The following RBMS3 variants were observed in gnomAD, a reference collection of about 807,000 sequenced individuals.
RBMS3 encodes the protein RNA-binding motif, single-stranded-interacting protein 3.
Under a neutral mutation model 66.8 loss-of-function variants are expected in RBMS3, and 27 were observed. The observed-to-expected ratio is 0.40, with a 90% CI of 0.30 to 0.56. The LOEUF (loss-of-function observed/expected upper bound fraction) is 0.56. Ranked by LOEUF, RBMS3 falls within the 20% of genes least tolerant of loss-of-function variation. The pLI is 0.40. For synonymous variants in RBMS3, 188 were observed against 183.0 expected, an observed-to-expected ratio of 1.03 and a Z score of -0.22; for missense variants, 513 against 549.5, an observed-to-expected ratio of 0.93 and a Z score of 0.66.
chr3:29,592,325 C>G (rs1225665029), intron 4 of RBMS3, among the ~76,000 whole-genome samples: 4 of 151,856 alleles, frequency 2.6e-5, no homozygotes, highest in Admixed American at 2.0e-4. Flanking sequence ...AACCAAACAA[C>G]CTCATAAAAA....
At chr3:29,442,001 G>A (rs2041639390) in intron 2 of RBMS3, among the ~76,000 whole-genome samples, 1 of 152,042 alleles carries the variant, frequency 6.6e-6, no homozygotes, top group African/African-American at 2.4e-5. Context: ...TTTTAGATTA[G>A]GCACATGGAT....
At chr3:29,287,775 T>C (rs1188683247) in intron 1 of RBMS3, among the ~76,000 whole-genome samples, 1 of 152,072 alleles carries the variant, frequency 6.6e-6, no homozygotes, top group African/African-American at 2.4e-5. Flanking sequence ...CTACCATTCA[T>C]ATGTGATTGT....
In RBMS3 at chr3:29,956,414, C is replaced by A. The variant is rs554435645; in HGVS notation, c.1098+12160C>A. Among the ~76,000 whole-genome samples, 18 of 152,236 alleles carry A rather than the reference C, an allele frequency of 1.2e-4. No homozygotes were observed. The East Asian group carries it at 3.1e-3, about 26-fold the overall frequency. ...ACATTCCTCGCTATCTTCTCTCCAACCTACCTTTAGATTATAAGTTCCTGG... is the reference window on the plus strand; with the variant it reads ...ACATTCCTCGCTATCTTCTCTCCAAACTACCTTTAGATTATAAGTTCCTGG... On this transcript the variant is annotated intron_variant, in intron 12 of 14. Transcript: ENST00000383767.
chr3:29,678,786 A>G (rs78338539), intron 4 of RBMS3, among the ~76,000 whole-genome samples: 5,403 of 152,202 alleles, frequency 0.035, 311 homozygotes, highest in African/African-American at 0.12. Context: ...GAAGAAGTTT[A>G]TATCAGGTAG....
At position 29,470,546 on chromosome 3, in the gene RBMS3, G is replaced by A. The variant is rs1271657417; in HGVS notation, c.249-17895G>A. 2.0e-5 allele frequency among the ~76,000 whole-genome samples: 3 copies of A among 151,984 alleles called. No homozygotes were observed. The East Asian group carries it at 5.8e-4, about 29-fold the overall frequency. On this transcript the variant is annotated intron_variant, in intron 2 of 14. Coordinates refer to ENST00000383767, the MANE Select transcript of RBMS3 (RefSeq NM_001003793.3). ...ACATACAAACACCACAGATTTCCAT[G>A]CTTTCTGATTTTTTTTTCTAGAAAC... is the stretch of plus-strand genomic sequence containing the variant.
chr3:29,774,909 T>C (rs367545090), intron 6 of RBMS3, among the ~76,000 whole-genome samples: 1 of 135,384 alleles, frequency 7.4e-6, no homozygotes, highest in Non-Finnish European at 1.6e-5. Flanking sequence ...TTAAAATAAA[T>C]AAACATCTAA....
chr3:29,956,029 T>C (rs1696019134), intron 12 of RBMS3, among the ~76,000 whole-genome samples: 1 of 152,078 alleles, frequency 6.6e-6, no homozygotes, highest in Non-Finnish European at 1.5e-5. Flanking sequence ...ATGACTAGTG[T>C]ATTATTTTTA....
chr3:29,605,068 T>A (rs1264489150), intron 4 of RBMS3, among the ~76,000 whole-genome samples: 2 of 151,982 alleles, frequency 1.3e-5, no homozygotes, highest in South Asian at 4.1e-4. Flanking sequence ...TTGAATATTA[T>A]GGTTCCATTC....
intron 4 of RBMS3, among the ~76,000 whole-genome samples, chr3:29,681,085 G>T (rs1357426824): frequency 1.3e-5 from 2 of 152,046 alleles, no homozygotes; most frequent in African/African-American, 4.8e-5. Flanking sequence ...GTAGCTGTGG[G>T]GGCTGACATG....
At chr3:29,518,706 C>T (rs1350145674) in intron 3 of RBMS3, among the ~76,000 whole-genome samples, 1 of 152,204 alleles carries the variant, frequency 6.6e-6, no homozygotes, top group African/African-American at 2.4e-5. Flanking sequence ...TATTCCAGCT[C>T]ATTCACAGTT....
chr3:29,484,660 T>C (rs746689291), intron 2 of RBMS3, among the ~76,000 whole-genome samples: 39 of 152,276 alleles, frequency 2.6e-4, no homozygotes, highest in Middle Eastern at 3.4e-3. Context: ...CTTCAGAATA[T>C]AAATGGGTTG....
intron 6 of RBMS3, among the ~76,000 whole-genome samples, chr3:29,829,443 T>C (rs2058303551): frequency 6.6e-6 from 1 of 152,188 alleles, no homozygotes. Flanking sequence ...AAAATAGATA[T>C]ATTTTCCATC....
chr3:29,297,981 G>A (rs992868008), intron 1 of RBMS3, among the ~76,000 whole-genome samples: 2 of 151,758 alleles, frequency 1.3e-5, no homozygotes, highest in Non-Finnish European at 2.9e-5. Flanking sequence ...GCTTAGCATT[G>A]AGCTTTCAAA....
At chr3:29,649,445 T>G (rs895995820) in intron 4 of RBMS3, among the ~76,000 whole-genome samples, 1 of 152,278 alleles carries the variant, frequency 6.6e-6, no homozygotes, top group Non-Finnish European at 1.5e-5. Flanking sequence ...TTTTTTAAAT[T>G]TTTCACTAAC....
At chr3:29,314,631 C>T (rs1245243720) in intron 1 of RBMS3, among the ~76,000 whole-genome samples, 1 of 151,492 alleles carries the variant, frequency 6.6e-6, no homozygotes, top group African/African-American at 2.4e-5. Context: ...GTTTTTATCT[C>T]GGGTGCACAG....
chr3:29,311,430 C>T (rs1248017545), intron 1 of RBMS3, among the ~76,000 whole-genome samples: 1 of 151,702 alleles, frequency 6.6e-6, no homozygotes, highest in Non-Finnish European at 1.5e-5. Flanking sequence ...GCGAGGTGCA[C>T]TGCCAGATTG....
At chr3:29,861,807 A>G (rs1489343758) in intron 6 of RBMS3, among the ~76,000 whole-genome samples, 1 of 152,232 alleles carries the variant, frequency 6.6e-6, no homozygotes, top group Non-Finnish European at 1.5e-5. Context: ...CTAAGCAAGC[A>G]AACAGTAATT....
At chr3:29,570,924 A>T (rs1427022531) in intron 3 of RBMS3, among the ~76,000 whole-genome samples, 1 of 150,836 alleles carries the variant, frequency 6.6e-6, no homozygotes, top group African/African-American at 2.5e-5. Flanking sequence ...TGGTTGTACT[A>T]ATTTATATTC....
chr3:29,331,332 G>C (rs2035641343), intron 1 of RBMS3, among the ~76,000 whole-genome samples: 3 of 152,020 alleles, frequency 2.0e-5, no homozygotes, highest in Non-Finnish European at 4.4e-5. Context: ...CGTCCTCCCT[G>C]GTGTTTATGA....
Sources: allele counts gnomAD v4.1 joint callset (sites outside exome capture counted in the v4.1 genomes callset), GRCh38; gene constraint gnomAD v4.1.1; transcripts MANE v1.5; gene names NCBI Gene and HGNC (gene_info 2026-07-23, HGNC 2026-07-21).